The following NETO1 variants were observed in gnomAD, a reference collection of about 807,000 sequenced individuals.
The protein encoded by NETO1 is neuropilin and tolloid-like protein 1.
A neutral mutation model predicts 61.3 loss-of-function variants in NETO1; 26 were observed. That is an observed-to-expected ratio of 0.42 (90% CI 0.31 to 0.59). The LOEUF (loss-of-function observed/expected upper bound fraction) is 0.59, where lower values mean the gene tolerates loss of function less well. Ranked by LOEUF, NETO1 falls within the 20% of genes least tolerant of loss-of-function variation. The pLI, the probability that NETO1 is intolerant of heterozygous loss-of-function variation, is 0.12. For synonymous variants in NETO1, 225 were observed against 225.8 expected (o/e 1.00, Z 0.03); for missense variants, 531 against 662.8 (o/e 0.80, Z 2.18).
chr18:72,831,276 A>T (rs1226720263), intron 4 of NETO1, among the ~76,000 whole-genome samples: 1 of 152,194 alleles, frequency 6.6e-6, no homozygotes, highest in Admixed American at 6.5e-5. Context: ...AACAATGTAA[A>T]ATCCTATTTA....
At chr18:72,854,923 C>T (rs2074370167) in intron 4 of NETO1, among the ~76,000 whole-genome samples, 1 of 152,114 alleles carries the variant, frequency 6.6e-6, no homozygotes, top group Non-Finnish European at 1.5e-5. Context: ...CCTGCTATCC[C>T]TTATCTGAGG....
chr18:72,865,913 T>C (rs2074720325), intron 1 of NETO1, among the ~76,000 whole-genome samples: 1 of 152,206 alleles, frequency 6.6e-6, no homozygotes, highest in African/African-American at 2.4e-5. Context: ...ACCAAATCAA[T>C]ATATAGAAAT....
rs535208534 is a variant in NETO1, at chr18:72,753,775, G to A, written c.982+2259C>T. Among the ~76,000 whole-genome samples, 19 of 152,252 alleles carry A rather than the reference G, an allele frequency of 1.2e-4. No homozygotes were observed. The East Asian group carries it at 3.7e-3, about 29-fold the overall frequency. On this transcript the variant is annotated intron_variant, in intron 8 of 10. Transcript: ENST00000327305. ...ATGTTGGACTATAGCTTACATAAATGCAATATATTTGGTGACAATATAGTA... is the reference window on the plus strand; with the variant it reads ...ATGTTGGACTATAGCTTACATAAATACAATATATTTGGTGACAATATAGTA...
chr18:72,789,260 CA>C (rs1312801424), intron 6 of NETO1, among the ~76,000 whole-genome samples: 1 of 142,240 alleles, frequency 7.0e-6, no homozygotes, highest in Non-Finnish European at 1.5e-5. Flanking sequence ...ATGTGCACAG[CA>C]CAATTCCTGA....
At chr18:72,862,297 C>T (rs1447977584) in intron 3 of NETO1, among the ~76,000 whole-genome samples, 1 of 152,136 alleles carries the variant, frequency 6.6e-6, no homozygotes, top group East Asian at 1.9e-4. Context: ...AATAGTGCTC[C>T]AAATATTCTC....
chr18:72,834,242 A>T (rs2073671052), intron 4 of NETO1: 1 of 724,830 alleles, frequency 1.4e-6, no homozygotes, highest in Non-Finnish European at 1.7e-6. Flanking sequence ...AATAAGTTTT[A>T]ACTATCCTTA....
At chr18:72,767,296 T>C (rs1183500129) in intron 7 of NETO1, among the ~76,000 whole-genome samples, 1 of 152,142 alleles carries the variant, frequency 6.6e-6, no homozygotes, top group Non-Finnish European at 1.5e-5. Context: ...TAAACCACAA[T>C]GGTTGTAAAG....
At chr18:72,763,622 ACACT>A (rs985679120) in intron 7 of NETO1, among the ~76,000 whole-genome samples, 1 of 151,902 alleles carries the variant, frequency 6.6e-6, no homozygotes, top group South Asian at 2.1e-4. Flanking sequence ...ATTCACACAC[ACACT>A]CACACATTCA....
chr18:72,830,930 G>A lies in NETO1; in HGVS notation c.469+27896C>T, dbSNP rs916082912. On this transcript the variant is annotated intron_variant, in intron 4 of 10. Transcript: ENST00000327305. The surrounding 1 kb of genome is among the most constrained non-coding windows in gnomAD (Gnocchi z 4.9). ...CTGCAGGAAAAACTGTACTTGATAG[G>A]GTTGTCAATTATGCCTTCTGACTGC... Among the ~76,000 whole-genome samples, 12 of 152,036 alleles carry A rather than the reference G, an allele frequency of 7.9e-5. No homozygotes were observed. Among genetic ancestry groups the A allele is most frequent in the African/African-American group, 2.9e-4 (12 of 41,384 alleles).
chr18:72,851,764 T>C (rs999179065), intron 4 of NETO1, among the ~76,000 whole-genome samples: 2 of 152,190 alleles, frequency 1.3e-5, no homozygotes, highest in Admixed American at 1.3e-4. Context: ...GCGGGTGATA[T>C]ATATAGTATT....
chr18:72,804,517 A>G (rs1189196574), intron 4 of NETO1, among the ~76,000 whole-genome samples: 2 of 152,162 alleles, frequency 1.3e-5, no homozygotes, highest in African/African-American at 4.8e-5. Flanking sequence ...GAAAAATACA[A>G]CTTGTTTTGA....
In NETO1 at chr18:72,848,963, A is replaced by ATT. The variant is rs201983119; in HGVS notation, c.469+9861_469+9862dup. 2.3e-3 allele frequency among the ~76,000 whole-genome samples: 357 copies of ATT among 152,070 alleles called. 4 individuals are homozygous for ATT. Among genetic ancestry groups the ATT allele is most frequent in the African/African-American group, 8.3e-3 (346 of 41,476 alleles). ...ATTAGCCAAAGATTTTCTTCATAGA[A>ATT]TTTTTTTTCTAGATAATCTCATCCT... On this transcript the variant is annotated intron_variant, in intron 4 of 10. Transcript: ENST00000327305.
At chr18:72,813,171 GGAGT>G (rs1443238178) in intron 4 of NETO1, among the ~76,000 whole-genome samples, 1 of 152,142 alleles carries the variant, frequency 6.6e-6, no homozygotes, top group Non-Finnish European at 1.5e-5. Flanking sequence ...AGCAGAGTGA[GGAGT>G]GACAATGTGC....
At chr18:72,771,445 C>T (rs563283239) in intron 7 of NETO1, among the ~76,000 whole-genome samples, 1 of 152,084 alleles carries the variant, frequency 6.6e-6, no homozygotes, top group Non-Finnish European at 1.5e-5. Context: ...GAGTCACACA[C>T]TTGAGTTGAA....
At chr18:72,752,966 T>A (rs1293957386) in intron 8 of NETO1, among the ~76,000 whole-genome samples, 1 of 150,968 alleles carries the variant, frequency 6.6e-6, no homozygotes. Context: ...AATATGAAAA[T>A]GAGTTTCAAA....
intron 7 of NETO1, among the ~76,000 whole-genome samples, chr18:72,772,761 A>ATATCTATATC (rs772829216): frequency 0.019 from 480 of 25,876 alleles, 15 homozygotes; most frequent in African/African-American, 0.039. Flanking sequence ...ATATATATCT[A>ATATCTATATC]TATATATATA....
At chr18:72,834,550 T>A (rs1409557904) in intron 4 of NETO1, 2 of 976,956 alleles carry the variant, frequency 2.0e-6, no homozygotes, top group Non-Finnish European at 2.4e-6. Context: ...ATAAAAGCAA[T>A]GAAAATCATG....
At chr18:72,792,803 G>A (rs1434139991) in intron 6 of NETO1, among the ~76,000 whole-genome samples, 1 of 151,692 alleles carries the variant, frequency 6.6e-6, no homozygotes, top group East Asian at 2.0e-4. Flanking sequence ...CTTTCATGTG[G>A]TCACGTGCAA....
chr18:72,770,155 G>T (rs1201371008), intron 7 of NETO1, among the ~76,000 whole-genome samples: 1 of 151,774 alleles, frequency 6.6e-6, no homozygotes, highest in Non-Finnish European at 1.5e-5. Flanking sequence ...TTACATGTTT[G>T]CTTCTTATGC....
Sources: allele counts gnomAD v4.1 joint callset (sites outside exome capture counted in the v4.1 genomes callset), GRCh38; gene constraint gnomAD v4.1.1; non-coding constraint Gnocchi (gnomAD v3.1); transcripts MANE v1.5; gene names NCBI Gene and HGNC (gene_info 2026-07-23, HGNC 2026-07-21).